CLVS1: variants seen among roughly 807,000 people sequenced by gnomAD.
CLVS1 encodes clavesin-1.
In CLVS1, 10 loss-of-function variants were observed where a neutral mutation model predicts 33.1. The ratio of observed to expected loss-of-function variants is 0.30; its 90% CI spans 0.19 to 0.51. The LOEUF is 0.51. Ranked by LOEUF, CLVS1 falls within the 20% of genes least tolerant of loss-of-function variation. The pLI, the probability that CLVS1 is intolerant of heterozygous loss-of-function variation, is 0.97. For missense variants in CLVS1, 343 were observed against 433.4 expected (o/e 0.79, Z 1.85); for synonymous variants, 163 against 166.1 (o/e 0.98, Z 0.14).
intron 2 of CLVS1, among the ~76,000 whole-genome samples, chr8:61,140,935 G>A (rs1158641360): frequency 2.0e-5 from 3 of 152,122 alleles, no homozygotes; most frequent in Admixed American, 2.0e-4. Context: ...TACAGTTGTG[G>A]GACCTTAACT....
chr8:61,380,452 TTCC>T (rs1244021741), intron 3 of CLVS1, among the ~76,000 whole-genome samples: 15 of 152,190 alleles, frequency 9.9e-5, no homozygotes, highest in Admixed American at 6.5e-5. Context: ...GTATTATAAA[TTCC>T]TCCTTTTAGA....
intron 2 of CLVS1, among the ~76,000 whole-genome samples, chr8:61,227,294 CTTTTT>C (rs11452736): frequency 7.0e-6 from 1 of 143,076 alleles, no homozygotes; most frequent in Admixed American, 7.0e-5. Flanking sequence ...GCGAGAAATG[CTTTTT>C]TTTTTTTTTA....
intron 2 of CLVS1, among the ~76,000 whole-genome samples, chr8:61,224,174 C>T (rs1188009529): frequency 2.0e-5 from 3 of 152,080 alleles, no homozygotes; most frequent in African/African-American, 7.2e-5. Flanking sequence ...TCTGTCAATT[C>T]ATCTATCTCC....
the CLVS1 span, among the ~76,000 whole-genome samples, chr8:61,047,409 G>A: frequency 6.6e-6 from 1 of 152,126 alleles, no homozygotes; most frequent in Non-Finnish European, 1.5e-5. Context: ...CGATTCCTCA[G>A]GGATCTAAAA....
chr8:61,476,111 A>G (rs1167930309), intron 5 of CLVS1, among the ~76,000 whole-genome samples: 1 of 152,118 alleles, frequency 6.6e-6, no homozygotes, highest in Non-Finnish European at 1.5e-5. Context: ...AGTTGTAGAT[A>G]TGTGACATTA....
intron 1 of CLVS1, among the ~76,000 whole-genome samples, chr8:61,100,081 A>C (rs35307256): frequency 6.9e-4 from 105 of 152,212 alleles, no homozygotes; most frequent in Non-Finnish European, 1.3e-3. Context: ...ATTCCACTGC[A>C]TGTGTGTGGA....
chr8:61,245,172 C>G (rs1334677708), intron 2 of CLVS1, among the ~76,000 whole-genome samples: 2 of 152,006 alleles, frequency 1.3e-5, no homozygotes, highest in Admixed American at 1.3e-4. Flanking sequence ...CTTCCACTTT[C>G]AACTTTGAAG....
rs573084229 is a variant in CLVS1 at position 61,203,661 on chromosome 8, T to C, written c.-152+71801T>C. Among the ~76,000 whole-genome samples the C allele has an allele frequency of 3.3e-4, 50 of 152,244 alleles. 1 individual carries two copies. Among genetic ancestry groups the C allele is most frequent in the Non-Finnish European group, 6.2e-4 (42 of 68,042 alleles). On this transcript the variant is annotated intron_variant, in intron 2 of 2. Coordinates refer to the CLVS1 transcript ENST00000522621. The stretch of plus-strand genomic sequence containing the variant: ...TCTTTGAAGAGGAACCTTTATTTTT[T>C]ACATGTCCCATGCAGGTCAAGCTCA...
In CLVS1 at chr8:61,337,960, A is replaced by G. The variant is rs186892618; in HGVS notation, c.455+37678A>G. Among the ~76,000 whole-genome samples, 170 of 152,292 alleles carry G rather than the reference A, an allele frequency of 1.1e-3. 1 individual carries two copies. Among genetic ancestry groups the G allele is most frequent in the Non-Finnish European group, 2.0e-3 (139 of 68,016 alleles). Reference sequence around the variant, plus strand: ...GACTATACAAATGGTTAGTGGAAAAACTGACTTTTAAATGATCTCCTCACT... The same window carrying G: ...GACTATACAAATGGTTAGTGGAAAAGCTGACTTTTAAATGATCTCCTCACT... On this transcript the variant is annotated intron_variant, in intron 2 of 5. Transcript: ENST00000325897.
intron 2 of CLVS1, among the ~76,000 whole-genome samples, chr8:61,147,925 T>C (rs755739765): frequency 5.3e-5 from 8 of 152,236 alleles, no homozygotes; most frequent in Non-Finnish European, 1.2e-4. Context: ...AGGGGCCTTA[T>C]AGTAAAGACA....
intron 5 of CLVS1, among the ~76,000 whole-genome samples, chr8:61,475,742 A>G (rs1395836678): frequency 2.0e-5 from 3 of 152,096 alleles, no homozygotes; most frequent in Non-Finnish European, 2.9e-5. Context: ...CCCATTCTGT[A>G]GGTTGCCTGT....
At chr8:61,442,656 G>C (rs1816599454) in intron 3 of CLVS1, among the ~76,000 whole-genome samples, 1 of 152,086 alleles carries the variant, frequency 6.6e-6, no homozygotes, top group Non-Finnish European at 1.5e-5. Flanking sequence ...CTGGAGTGCA[G>C]TGGCGCGATC....
At chr8:61,295,500 G>T (rs952959619) in intron 1 of CLVS1, among the ~76,000 whole-genome samples, 1 of 152,152 alleles carries the variant, frequency 6.6e-6, no homozygotes, top group Non-Finnish European at 1.5e-5. Flanking sequence ...CATCTGTAAG[G>T]CAGAGTATTA....
chr8:61,119,273 C>T (rs1455103967), intron 1 of CLVS1, among the ~76,000 whole-genome samples: 11 of 151,876 alleles, frequency 7.2e-5, no homozygotes, highest in African/African-American at 1.9e-4. Flanking sequence ...TGTCTCTGCA[C>T]GTGAGATGGG....
intron 1 of CLVS1, among the ~76,000 whole-genome samples, chr8:61,070,007 G>T (rs1405465712): frequency 6.6e-6 from 1 of 152,112 alleles, no homozygotes; most frequent in Non-Finnish European, 1.5e-5. Flanking sequence ...TGGCCACGTT[G>T]GTCTCAAACT....
intron 2 of CLVS1, among the ~76,000 whole-genome samples, chr8:61,260,611 G>A (rs1003464721): frequency 3.9e-5 from 6 of 152,240 alleles, no homozygotes; most frequent in East Asian, 1.9e-4. Flanking sequence ...TGGGCATCTG[G>A]GAGGGGCATC....
chr8:61,400,371 C>T (rs1297860937), intron 3 of CLVS1, among the ~76,000 whole-genome samples: 4 of 152,148 alleles, frequency 2.6e-5, no homozygotes, highest in Admixed American at 2.6e-4. Flanking sequence ...GTGATTTCTG[C>T]ACACTGATTT....
At chr8:61,046,966 T>C in the CLVS1 span, among the ~76,000 whole-genome samples, 1 of 152,194 alleles carries the variant, frequency 6.6e-6, no homozygotes, top group African/African-American at 2.4e-5. Context: ...CTTTTCCTAA[T>C]TGAATACCCT....
At chr8:61,154,684 GTTTC>G (rs1376140133) in intron 2 of CLVS1, among the ~76,000 whole-genome samples, 2 of 152,136 alleles carry the variant, frequency 1.3e-5, no homozygotes, top group African/African-American at 4.8e-5. Flanking sequence ...CTGAGCCTCA[GTTTC>G]TTTATCTGCA....
Sources: allele counts gnomAD v4.1 joint callset (sites outside exome capture counted in the v4.1 genomes callset), GRCh38; gene constraint gnomAD v4.1.1; transcripts MANE v1.5; gene names NCBI Gene and HGNC (gene_info 2026-07-23, HGNC 2026-07-21).